The following ZMYND15 variants were observed in gnomAD, a reference collection of about 807,000 sequenced individuals.
ZMYND15 encodes zinc finger MYND domain-containing protein 15.
A neutral mutation model predicts 81.7 loss-of-function variants in ZMYND15; 54 were observed. The observed-to-expected ratio is 0.66, with a 90% CI of 0.53 to 0.83. ZMYND15 has a LOEUF of 0.83. Among genes scored for constraint, ZMYND15 ranks in the 40% least tolerant of loss-of-function variants. The pLI is 0.00. For synonymous variants in ZMYND15, 399 were observed against 387.0 expected (o/e 1.03, Z -0.36); for missense variants, 925 against 973.5 (o/e 0.95, Z 0.66).
Position 4,743,837 on chromosome 17 carries a change from G to C in ZMYND15, c.1368G>C (p.Arg456=). Residue 456 remains arginine, a synonymous_variant, in exon 7 of 14, where the codon CGG becomes CGC. Transcript: ENST00000433935. The surrounding 1 kb of genome is among the most constrained non-coding windows in gnomAD (Gnocchi z 4.3). ...CTCCTGTGCCCCCACATCCACCCCGGGGTGTTTTTGGTGAGCTGGAGGGGC... is the reference window on the plus strand; with the variant it reads ...CTCCTGTGCCCCCACATCCACCCCGCGGTGTTTTTGGTGAGCTGGAGGGGC... ...LMPPVPPHPP[R]GVFGSWQDYY... is the part of the protein sequence containing the mutation. The C allele has an allele frequency of 6.2e-7, 1 of 1,613,962 alleles. No individual in the cohort carries two copies. The highest frequency in any genetic ancestry group is 8.5e-7 in the Non-Finnish European group (1 of 1,179,968).
rs375877783 is a variant in ZMYND15 at position 4,744,037 on chromosome 17, C to T, written c.1425C>T (p.Ser475=). Reference sequence around the variant, plus strand: ...CATGGCGGGGCCTCAGCTTGGACTCCCCCATAGCCGTGCTTCTCACCTACC... The same window carrying T: ...CATGGCGGGGCCTCAGCTTGGACTCTCCCATAGCCGTGCTTCTCACCTACC... ...YYTWRGLSLD[S]PIAVLLTYPL... The change falls in exon 8 of 14, where the codon TCC becomes TCT. Residue 475 remains serine, a synonymous_variant. Coordinates refer to ENST00000433935, the MANE Select transcript of ZMYND15 (RefSeq NM_001136046.3). This position sits in a 1 kb window ranked among gnomAD's most constrained non-coding sequence, Gnocchi z 4.1. 1 of 1,553,758 alleles carries T rather than the reference C, an allele frequency of 6.4e-7. No individual in the cohort carries two copies. Among genetic ancestry groups the T allele is most frequent in the East Asian group, 2.4e-5 (1 of 40,964 alleles).
rs138600678 is a variant in ZMYND15, at chr17:4,741,940, C to T, written c.853C>T (p.Leu285=). ...HRELESLVPR[L]GVKLAKTPMR... is the part of the protein sequence containing the mutation. ...AGAGCTGGAGAGCTTGGTCCCAAGG[C>T]TAGGTGTGAAGTTAGCCAAAACCCC... Residue 285 remains leucine, a synonymous_variant, in exon 4 of 14, where the codon CTA becomes TTA. Coordinates refer to ENST00000433935, the MANE Select transcript of ZMYND15 (RefSeq NM_001136046.3). The T allele has an allele frequency of 6.2e-7, 1 of 1,614,210 alleles. No homozygotes were observed. The highest frequency in any genetic ancestry group is 1.7e-5 in the Admixed American group (1 of 60,018).
rs201552648 is a variant in ZMYND15 at position 4,741,019 on chromosome 17, A to G, written c.471A>G (p.Glu157=). The change falls in exon 2 of 14, where the codon GAA becomes GAG. Residue 157 remains glutamate (E), a synonymous_variant. Coordinates refer to ENST00000433935, the MANE Select transcript of ZMYND15 (RefSeq NM_001136046.3). ...CTACCAGCAGGGAGTCCCCCCAGGAAACAAACCCTCCAGGAGAGTCAGAGG... is the reference window on the plus strand; with the variant it reads ...CTACCAGCAGGGAGTCCCCCCAGGAGACAAACCCTCCAGGAGAGTCAGAGG... ...LAPTSRESPQ[E]TNPPGESEEA... is the part of the protein sequence containing the mutation. 9.0e-6 allele frequency: 14 copies of G among 1,554,236 alleles called. No individual in the cohort carries two copies. The East Asian group carries it at 3.4e-4, about 38-fold the overall frequency.
rs1294377655 is a variant in ZMYND15, at chr17:4,745,775, G to A, written c.2058-44G>A. The A allele has an allele frequency of 1.3e-6, 2 of 1,526,932 alleles. No homozygotes were observed. Among genetic ancestry groups the A allele is most frequent in the Non-Finnish European group, 1.8e-6 (2 of 1,135,262 alleles). 94.6% of individuals were successfully genotyped at this position (1,526,932 alleles called of 1,614,324 possible). On this transcript the variant is annotated intron_variant, in intron 13 of 13. Transcript: ENST00000433935. This position sits in a 1 kb window ranked among gnomAD's most constrained non-coding sequence, Gnocchi z 5.2. ...GACCCCTGGGAGCGCCGACCCCTGG[G>A]AGTCCCGCCCCGTGGTCCCTGACTG...
chr17:4,742,998 C>T (rs1473995581), intron 5 of ZMYND15, among the ~76,000 whole-genome samples: 4 of 151,978 alleles, frequency 2.6e-5, no homozygotes, highest in East Asian at 1.9e-4. Flanking sequence ...GGTTCACACC[C>T]GTAATCCCAG....
Position 4,743,632 on chromosome 17 carries a change from AC to A in ZMYND15, c.1298-131del. On this transcript the variant is annotated intron_variant, in intron 6 of 13. Transcript: ENST00000433935. This position sits in a 1 kb window ranked among gnomAD's most constrained non-coding sequence, Gnocchi z 4.3. Reference sequence around the variant, plus strand: ...TCACCCCTACCAACTCCACCCAGAAACCCCATCCCTATGCAAACCCCCATTC... The same window carrying A: ...TCACCCCTACCAACTCCACCCAGAAACCCATCCCTATGCAAACCCCCATTC... The A allele has an allele frequency of 7.9e-7, 1 of 1,267,306 alleles. No individual in the cohort carries two copies. Among genetic ancestry groups the A allele is most frequent in the Non-Finnish European group, 1.1e-6 (1 of 925,312 alleles). 78.5% of individuals were successfully genotyped at this position (1,267,306 alleles called of 1,614,324 possible).
rs1916604780 is a variant in ZMYND15, at chr17:4,745,114, C to CGGTCT, written c.1897-99_1897-95dup. ...CGTCCTCCCCCTGCTCCCCTCCGCCCGGTCTGTCCGGGGACCTCGGCTTTC... is the reference window on the plus strand; with the variant it reads ...CGTCCTCCCCCTGCTCCCCTCCGCCCGGTCTGGTCTGTCCGGGGACCTCGGCTTTC... On this transcript the variant is annotated intron_variant, in intron 12 of 13. Coordinates refer to ENST00000433935, the MANE Select transcript of ZMYND15 (RefSeq NM_001136046.3). This position sits in a 1 kb window ranked among gnomAD's most constrained non-coding sequence, Gnocchi z 5.2. 2.8e-5 allele frequency: 45 copies of CGGTCT among 1,592,844 alleles called. No individual in the cohort carries two copies. In the South Asian group the frequency reaches 4.8e-4, roughly 17 times the overall value.
rs1397604476 is a variant in ZMYND15 at position 4,746,110 on chromosome 17, G to T, written c.*120G>T. On this transcript the variant is annotated 3_prime_UTR_variant, in exon 14 of 14. Coordinates refer to ENST00000433935, the MANE Select transcript of ZMYND15 (RefSeq NM_001136046.3). The stretch of plus-strand genomic sequence containing the variant: ...AAAAGGTAAATAAAATTACTTGTTT[G>T]AAACCACTGAGTCATGGATCTTTTG... 9 of 1,072,620 alleles carry T rather than the reference G, an allele frequency of 8.4e-6. No homozygotes were observed. Among genetic ancestry groups the T allele is most frequent in the Non-Finnish European group, 1.1e-5 (9 of 799,238 alleles). 66.4% of individuals were successfully genotyped at this position (1,072,620 alleles called of 1,614,324 possible).
Position 4,740,639 on chromosome 17 carries a change from G to A in ZMYND15, c.91G>A (p.Ala31Thr). 1 of 1,614,208 alleles carries A rather than the reference G, an allele frequency of 6.2e-7. No individual in the cohort carries two copies. Among genetic ancestry groups the A allele is most frequent in the Non-Finnish European group, 8.5e-7 (1 of 1,180,000 alleles). Residue 31 changes from alanine to threonine, a missense_variant, in exon 2 of 14, where the codon GCT (alanine) becomes ACT (threonine). Transcript: ENST00000433935. ...WFRKFVAERG[A>T]VGTSLEGRCR... ...CCGAAAGTTTGTGGCAGAGCGTGGAGCTGTAGGGACTAGCCTTGAGGGCCG... is the reference window on the plus strand; with the variant it reads ...CCGAAAGTTTGTGGCAGAGCGTGGAACTGTAGGGACTAGCCTTGAGGGCCG...
At position 4,743,109 on chromosome 17, in the gene ZMYND15, A is replaced by G. The variant is rs1394149182; in HGVS notation, c.1145-194A>G. ...AGAAAAAATTAGTCAGGCATGGTGC[A>G]CTCGCTTGTGGTCACAATTCTCGGG... is the stretch of plus-strand genomic sequence containing the variant. On this transcript the variant is annotated intron_variant, in intron 5 of 13. Coordinates refer to ENST00000433935, the MANE Select transcript of ZMYND15 (RefSeq NM_001136046.3). This position sits in a 1 kb window ranked among gnomAD's most constrained non-coding sequence, Gnocchi z 4.3. Among the ~76,000 whole-genome samples the G allele has an allele frequency of 6.6e-6, 1 of 151,852 alleles. No individual in the cohort carries two copies. The highest frequency in any genetic ancestry group is 2.4e-5 in the African/African-American group (1 of 41,340).
At position 4,740,762 on chromosome 17, in the gene ZMYND15, G is replaced by A; in HGVS notation, c.214G>A (p.Gly72Arg). The change falls in exon 2 of 14, where the codon GGG becomes AGG. Residue 72 changes from glycine to arginine, a missense_variant. By Grantham distance (125) the Gly-to-Arg change is moderately radical (BLOSUM62 -2). Coordinates refer to ENST00000433935, the MANE Select transcript of ZMYND15 (RefSeq NM_001136046.3). ...CAACCATAGTGTGGGCATCAGCCTG[G>A]GGCAAGGGGCAGAACCAGGTCCTGG... ...LPNHSVGISL[G>R]QGAEPGPGPG... 8 of 1,600,354 alleles carry A rather than the reference G, an allele frequency of 5.0e-6. No homozygotes were observed. Among genetic ancestry groups the A allele is most frequent in the Middle Eastern group, 1.7e-4 (1 of 6,006 alleles).
At chr17:4,742,307 G>A in intron 4 of ZMYND15, 24 bp from the exon 5 acceptor site, 2 of 1,611,778 alleles carry the variant, frequency 1.2e-6, no homozygotes, top group East Asian at 2.2e-5. Context: ...AACACTAGGT[G>A]CCCACCACCC....
chr17:4,744,075 A>G lies in ZMYND15; in HGVS notation c.1463A>G (p.Tyr488Cys). 2 of 1,572,558 alleles carry G rather than the reference A, an allele frequency of 1.3e-6. No individual in the cohort carries two copies. The highest frequency in any genetic ancestry group is 8.6e-7 in the Non-Finnish European group (1 of 1,158,348). ...CTTCTCACCTACCCGCTGACCGTGT[A>G]CTACGTCATCACCCACCTGGTGCCC... ...AVLLTYPLTV[Y>C]YVITHLVPQS... is the part of the protein sequence containing the mutation. Residue 488 changes from tyrosine to cysteine, a missense_variant, in exon 8 of 14, where the codon TAC becomes TGC. Transcript: ENST00000433935. The surrounding 1 kb of genome is among the most constrained non-coding windows in gnomAD (Gnocchi z 4.1).
At position 4,740,642 on chromosome 17, in the gene ZMYND15, G is replaced by GT; in HGVS notation, c.95dup (p.Gly33ArgfsTer3). On this transcript the variant is annotated frameshift_variant, in exon 2 of 14. Coordinates refer to ENST00000433935, the MANE Select transcript of ZMYND15 (RefSeq NM_001136046.3). LOFTEE classifies it high-confidence loss of function. ...AAAGTTTGTGGCAGAGCGTGGAGCTGTAGGGACTAGCCTTGAGGGCCGCTG... is the reference window on the plus strand; with the variant it reads ...AAAGTTTGTGGCAGAGCGTGGAGCTGTTAGGGACTAGCCTTGAGGGCCGCTG... 6.2e-7 allele frequency: 1 copy of GT among 1,614,208 alleles called. No individual in the cohort carries two copies. The highest frequency in any genetic ancestry group is 8.5e-7 in the Non-Finnish European group (1 of 1,180,006).
rs1466833546 is a variant in ZMYND15, at chr17:4,745,656, C to T, written c.2058-163C>T. Among the ~76,000 whole-genome samples, 5 of 151,646 alleles carry T rather than the reference C, an allele frequency of 3.3e-5. No individual in the cohort carries two copies. The highest frequency in any genetic ancestry group is 1.2e-4 in the African/African-American group (5 of 41,092). On this transcript the variant is annotated intron_variant, in intron 13 of 13. Transcript: ENST00000433935. This position sits in a 1 kb window ranked among gnomAD's most constrained non-coding sequence, Gnocchi z 5.2. Reference sequence around the variant, plus strand: ...ACCCAACCCTGAGTCTAGCCCCACGCCCTGGAACTCAGAGGGGCAAGCCCC... The same window carrying T: ...ACCCAACCCTGAGTCTAGCCCCACGTCCTGGAACTCAGAGGGGCAAGCCCC...
chr17:4,745,735 G>GACCCTGGGAGCCCCGA lies in ZMYND15; in HGVS notation c.2058-84_2058-83insACCCTGGGAGCCCCGA. On this transcript the variant is annotated intron_variant, in intron 13 of 13. Coordinates refer to ENST00000433935, the MANE Select transcript of ZMYND15 (RefSeq NM_001136046.3). The surrounding 1 kb of genome is among the most constrained non-coding windows in gnomAD (Gnocchi z 5.2). Reference sequence around the variant, plus strand: ...GCCCCGCCCCCTGGTCCCTGACCGCGCCCCTGGGAGCCCCGACCCCTGGGA... The same window carrying GACCCTGGGAGCCCCGA: ...GCCCCGCCCCCTGGTCCCTGACCGCGACCCTGGGAGCCCCGACCCCTGGGAGCCCCGACCCCTGGGA... 1.3e-6 allele frequency: 1 copy of GACCCTGGGAGCCCCGA among 775,946 alleles called. No homozygotes were observed. The highest frequency in any genetic ancestry group is 1.9e-6 in the Non-Finnish European group (1 of 523,572). The allele number at this position is 775,946 out of a possible 1,614,324, so 48.1% of individuals were successfully genotyped here.
rs766586490 is a variant in ZMYND15 at position 4,744,432 on chromosome 17, C to T, written c.1648C>T (p.Pro550Ser). The change falls in exon 10 of 14, where the codon CCC (proline) becomes TCC (serine). Residue 550 changes from proline to serine, a missense_variant. Coordinates refer to ENST00000433935, the MANE Select transcript of ZMYND15 (RefSeq NM_001136046.3). This position sits in a 1 kb window ranked among gnomAD's most constrained non-coding sequence, Gnocchi z 4.1. ...GCAGTTTGTAGGTGATGGCCTGCCC[C>T]CCGAAAGCGACGAGCAGCATTTTAC... is the stretch of plus-strand genomic sequence containing the variant. ...ELQFVGDGLP[P>S]ESDEQHFTLQ... The T allele has an allele frequency of 3.7e-6, 6 of 1,613,988 alleles. No homozygotes were observed. The highest frequency in any genetic ancestry group is 1.6e-4 in the Middle Eastern group (1 of 6,084).
At chr17:4,742,165 G>A in intron 4 of ZMYND15, 95 bp downstream of exon 4, 10 of 1,567,730 alleles carry the variant, frequency 6.4e-6, no homozygotes, top group Non-Finnish European at 8.7e-6. Flanking sequence ...AGAAGGAGAG[G>A]CAGGGACATG....
In ZMYND15 at chr17:4,743,722, G is replaced by C; in HGVS notation, c.1298-45G>C. 6.4e-7 allele frequency: 1 copy of C among 1,552,966 alleles called. No homozygotes were observed. Among genetic ancestry groups the C allele is most frequent in the Non-Finnish European group, 8.8e-7 (1 of 1,137,354 alleles). On this transcript the variant is annotated intron_variant, in intron 6 of 13. Coordinates refer to ENST00000433935, the MANE Select transcript of ZMYND15 (RefSeq NM_001136046.3). This position sits in a 1 kb window ranked among gnomAD's most constrained non-coding sequence, Gnocchi z 4.3. Reference sequence around the variant, plus strand: ...GAAGGAAGAAAGAGATGGGTCAGGTGGGGGTCTCCCTGACCCCAGGCCCCT... The same window carrying C: ...GAAGGAAGAAAGAGATGGGTCAGGTCGGGGTCTCCCTGACCCCAGGCCCCT...
Sources: allele counts gnomAD v4.1 joint callset (sites outside exome capture counted in the v4.1 genomes callset), GRCh38; gene constraint gnomAD v4.1.1; non-coding constraint Gnocchi (gnomAD v3.1); transcripts MANE v1.5; gene names NCBI Gene and HGNC (gene_info 2026-07-23, HGNC 2026-07-21).